The following AVEN variants were observed in gnomAD, a reference collection of about 807,000 sequenced individuals.
The protein encoded by AVEN is apoptosis and caspase activation inhibitor.
Under a neutral mutation model 38.1 loss-of-function variants are expected in AVEN, and 41 were observed. The observed-to-expected ratio is 1.08, with a 90% CI of 0.84 to 1.40. AVEN has a LOEUF of 1.40. Among genes scored for constraint, AVEN ranks in the 40% most tolerant of loss-of-function variants. The probability of loss-of-function intolerance (pLI) is 0.00; values close to 1 mark genes in which losing one functional copy is unlikely to be tolerated. For synonymous variants in AVEN, 206 were observed against 171.8 expected (o/e 1.20, Z -1.56); for missense variants, 605 against 438.8 (o/e 1.38, Z -3.38).
chr15:34,073,978 TTCTTC>T (rs796490686), intron 1 of AVEN, among the ~76,000 whole-genome samples: 56 of 15,468 alleles, frequency 3.6e-3, no homozygotes, highest in African/African-American at 5.8e-3. Flanking sequence ...ACTTTCTTTT[TTCTTC>T]TTCTTCTTTT....
chr15:33,986,970 A>C (rs1257991942), intron 2 of AVEN, among the ~76,000 whole-genome samples: 1 of 152,210 alleles, frequency 6.6e-6, no homozygotes, highest in Admixed American at 6.5e-5. Context: ...GTTCTTTTCA[A>C]GTGCTAAATA....
At position 33,992,409 on chromosome 15, in the gene AVEN, A is replaced by T. The variant is rs544991312; in HGVS notation, c.445+10623T>A. ...CGTCTCAAAAAAAAAGAAAAAAGAA[A>T]ATCAAATTAGGCCCAATATTCAATA... On this transcript the variant is annotated intron_variant, in intron 2 of 5. Transcript: ENST00000306730. 3.9e-5 allele frequency among the ~76,000 whole-genome samples: 6 copies of T among 152,288 alleles called. No homozygotes were observed. The South Asian group carries it at 1.0e-3, about 26-fold the overall frequency.
intron 2 of AVEN, among the ~76,000 whole-genome samples, chr15:33,990,232 CTT>C (rs1037971692): frequency 2.7e-5 from 4 of 150,756 alleles, no homozygotes; most frequent in African/African-American, 7.3e-5. Context: ...ACAAAAAAAA[CTT>C]AGCCAGGCGT....
chr15:33,876,974 A>C (rs1891258444), intron 2 of AVEN, among the ~76,000 whole-genome samples: 1 of 152,212 alleles, frequency 6.6e-6, no homozygotes, highest in Non-Finnish European at 1.5e-5. Flanking sequence ...CAGAACTAAA[A>C]CTGTAGAATT....
At chr15:34,058,458 A>T (rs1175118326) in intron 5 of AVEN, among the ~76,000 whole-genome samples, 2 of 151,974 alleles carry the variant, frequency 1.3e-5, no homozygotes, top group Non-Finnish European at 2.9e-5. Context: ...TTGTTATTTG[A>T]CCTGAGAAAT....
chr15:33,919,363 A>T (rs1447102087), intron 2 of AVEN, among the ~76,000 whole-genome samples: 5 of 152,246 alleles, frequency 3.3e-5, no homozygotes, highest in Non-Finnish European at 5.9e-5. Flanking sequence ...AGGGAAATCT[A>T]GCAAGGCAAT....
intron 2 of AVEN, among the ~76,000 whole-genome samples, chr15:33,960,959 A>C (rs1046708182): frequency 6.6e-6 from 1 of 152,208 alleles, no homozygotes; most frequent in African/African-American, 2.4e-5. Context: ...AAATAATGTA[A>C]CTATTTTTAC....
chr15:33,943,473 T>G (rs185574536), intron 2 of AVEN, among the ~76,000 whole-genome samples: 5 of 152,268 alleles, frequency 3.3e-5, no homozygotes, highest in Middle Eastern at 3.4e-3. Flanking sequence ...ACAAGGGAGA[T>G]AGTGTATAAT....
chr15:34,037,109 CAA>C (rs59011779), intron 1 of AVEN, among the ~76,000 whole-genome samples: 175 of 137,754 alleles, frequency 1.3e-3, no homozygotes, highest in African/African-American at 3.9e-3. Flanking sequence ...AACTCCGTCT[CAA>C]AAAAAAAAAA....
intron 2 of AVEN, among the ~76,000 whole-genome samples, chr15:33,946,212 G>A (rs1894504005): frequency 6.6e-6 from 1 of 152,092 alleles, no homozygotes; most frequent in African/African-American, 2.4e-5. Flanking sequence ...AAATCTGTAA[G>A]GACAAAGAGA....
intron 2 of AVEN, among the ~76,000 whole-genome samples, chr15:33,983,219 T>C (rs542784178): frequency 0.06 from 6,515 of 108,578 alleles, 300 homozygotes; most frequent in African/African-American, 0.19. Flanking sequence ...TATATACATA[T>C]ATATACACAC....
chr15:33,960,360 A>T (rs182543419), intron 2 of AVEN, among the ~76,000 whole-genome samples: 1 of 152,264 alleles, frequency 6.6e-6, no homozygotes, highest in African/African-American at 2.4e-5. Flanking sequence ...GCACTACCAC[A>T]ATCAGGTTGT....
At chr15:34,064,305 A>G (rs763340823) in intron 4 of AVEN, 1 of 1,612,194 alleles carries the variant, frequency 6.2e-7, no homozygotes, top group South Asian at 1.1e-5. Flanking sequence ...GGGGAACAGC[A>G]AGCTACCCTG....
chr15:33,853,744 A>G, the AVEN span: 47 of 1,561,178 alleles, frequency 3.0e-5, no homozygotes, highest in Non-Finnish European at 3.9e-5. Flanking sequence ...TTGCTTTTCC[A>G]TAGGAAAAAA....
chr15:33,998,470 C>A (rs1897020507), intron 2 of AVEN, among the ~76,000 whole-genome samples: 1 of 151,854 alleles, frequency 6.6e-6, no homozygotes, highest in African/African-American at 2.4e-5. Flanking sequence ...AAAAGAAATG[C>A]CAAAAAAAGA....
chr15:33,978,500 C>T (rs1286184065), intron 2 of AVEN, among the ~76,000 whole-genome samples: 3 of 151,992 alleles, frequency 2.0e-5, no homozygotes, highest in Admixed American at 2.0e-4. Flanking sequence ...CCTGTCTCTA[C>T]TAAAAATACA....
chr15:34,067,669 T>C (rs548382904), intron 2 of AVEN, among the ~76,000 whole-genome samples: 53 of 152,294 alleles, frequency 3.5e-4, no homozygotes, highest in Non-Finnish European at 6.5e-4. Context: ...GATTAAATAA[T>C]GATGACAAGA....
At chr15:33,870,663 ATT>A (rs1338356311) in intron 4 of AVEN, among the ~76,000 whole-genome samples, 6 of 152,216 alleles carry the variant, frequency 3.9e-5, no homozygotes, top group African/African-American at 1.4e-4. Context: ...ATGCGTAAAT[ATT>A]TTGAGTAAAA....
At chr15:33,937,670 G>C (rs767229246) in intron 2 of AVEN, among the ~76,000 whole-genome samples, 11 of 152,038 alleles carry the variant, frequency 7.2e-5, no homozygotes, top group Non-Finnish European at 1.3e-4. Flanking sequence ...AAGTCATGAG[G>C]ACAGGGCCTT....
Sources: gnomAD v4.1 joint callset for allele counts (sites outside exome capture counted in the v4.1 genomes callset) on GRCh38, gnomAD v4.1.1 for gene constraint, MANE v1.5 for transcripts, NCBI Gene and HGNC (gene_info 2026-07-23, HGNC 2026-07-21) for gene names.